MSL2: variants seen among roughly 807,000 people sequenced by gnomAD.
MSL2 encodes the protein E3 ubiquitin-protein ligase MSL2.
Under a neutral mutation model 35.8 loss-of-function variants are expected in MSL2, and 2 were observed. The observed-to-expected ratio is 0.06, with a 90% CI of 0.02 to 0.18. The LOEUF is 0.18. Among genes scored for constraint, MSL2 ranks in the 10% least tolerant of loss-of-function variants. The pLI is 1.00. For synonymous variants in MSL2, 296 were observed against 255.7 expected (o/e 1.16, Z -1.50); for missense variants, 523 against 706.7 (o/e 0.74, Z 2.95).
Position 136,149,444 on chromosome 3 carries a change from G to A in MSL2, c.*1703C>T, listed in dbSNP as rs1939275996. The A allele has an allele frequency of 6.6e-6, 1 of 152,344 alleles. No individual in the cohort carries two copies. Among genetic ancestry groups the A allele is most frequent in the East Asian group, 1.9e-4 (1 of 5,196 alleles). The allele number at this position is 152,344 out of a possible 1,614,324, so 9.4% of individuals were successfully genotyped here. A position where few individuals can be genotyped will look rare whatever the true frequency, so the allele number is the denominator to read the frequency against. On this transcript the variant is annotated 3_prime_UTR_variant, in exon 2 of 2. Coordinates refer to ENST00000309993, the MANE Select transcript of MSL2 (RefSeq NM_018133.4). ...AAGCAAATAAAGACAAGACAACTAA[G>A]AAGCATTTTCCACCATTTACTCTTG...
intron 1 of MSL2, among the ~76,000 whole-genome samples, chr3:136,171,178 A>T (rs1044705000): frequency 1.3e-5 from 2 of 152,220 alleles, no homozygotes; most frequent in Non-Finnish European, 2.9e-5. Flanking sequence ...TTTCAAATCA[A>T]AAGGAAGTGT....
rs1321913069 is a variant in MSL2, at chr3:136,151,637, C to T, written c.1244G>A (p.Gly415Glu). The change falls in exon 2 of 2, where the codon GGA becomes GAA. Residue 415 changes from glycine (G) to glutamate (E), a missense_variant. Physicochemically the swap from Gly to Glu is moderately conservative, Grantham distance 98 (BLOSUM62 -2). This residue lies in a region of MSL2 where 361 missense variants were observed against 414.6 expected (regional missense o/e 0.87). Coordinates refer to ENST00000309993, the MANE Select transcript of MSL2 (RefSeq NM_018133.4). This position sits in a 1 kb window ranked among gnomAD's most constrained non-coding sequence, Gnocchi z 5.2. ...TKSMKKSHEHGSKKSHSKTKP... is the reference protein window; with the variant it reads ...TKSMKKSHEHESKKSHSKTKP... ...GGTTTTAGAGTGAGATTTCTTGGATCCATGTTCATGACTCTTTTTCATGCT... is the reference window on the plus strand; with the variant it reads ...GGTTTTAGAGTGAGATTTCTTGGATTCATGTTCATGACTCTTTTTCATGCT... 1 of 1,613,954 alleles carries T rather than the reference C, an allele frequency of 6.2e-7. No individual in the cohort carries two copies. Among genetic ancestry groups the T allele is most frequent in the Non-Finnish European group, 8.5e-7 (1 of 1,180,040 alleles).
intron 1 of MSL2, among the ~76,000 whole-genome samples, chr3:136,173,468 T>C (rs1391802228): frequency 6.6e-6 from 1 of 152,156 alleles, no homozygotes; most frequent in Admixed American, 6.6e-5. Flanking sequence ...ACTGACACTA[T>C]CATTCATTCA....
At chr3:136,190,779 C>A (rs1191959405) in intron 1 of MSL2, among the ~76,000 whole-genome samples, 1 of 152,174 alleles carries the variant, frequency 6.6e-6, no homozygotes, top group Non-Finnish European at 1.5e-5. Context: ...AACAATTCTA[C>A]TTTCTGATAA....
intron 1 of MSL2, among the ~76,000 whole-genome samples, chr3:136,184,737 TAA>T (rs1221336389): frequency 2.0e-4 from 14 of 68,690 alleles, no homozygotes; most frequent in African/African-American, 7.0e-4. Flanking sequence ...AGATAAAGGT[TAA>T]AAAAAAAAAA....
rs1261518541 is a variant in MSL2, at chr3:136,149,834, T to C, written c.*1313A>G. ...CTAGAGATGGTGAACGTAGTAGAAA[T>C]TGGAAATTTTCCAGCAGTATTTTTC... On this transcript the variant is annotated 3_prime_UTR_variant, in exon 2 of 2. Coordinates refer to ENST00000309993, the MANE Select transcript of MSL2 (RefSeq NM_018133.4). 1 of 152,282 alleles carries C rather than the reference T, an allele frequency of 6.6e-6. No homozygotes were observed. Among genetic ancestry groups the C allele is most frequent in the Admixed American group, 6.5e-5 (1 of 15,278 alleles). 9.4% of individuals were successfully genotyped at this position (152,282 alleles called of 1,614,324 possible). A position where few individuals can be genotyped will look rare whatever the true frequency, so the allele number is the denominator to read the frequency against.
intron 1 of MSL2, among the ~76,000 whole-genome samples, chr3:136,162,969 AT>A (rs542937035): frequency 0.034 from 4,627 of 137,868 alleles, 121 homozygotes; most frequent in African/African-American, 0.078. Flanking sequence ...GAGGACTTGG[AT>A]TTTTTTTTTT....
intron 1 of MSL2, among the ~76,000 whole-genome samples, chr3:136,172,956 G>T (rs969710092): frequency 3.3e-5 from 5 of 152,094 alleles, no homozygotes; most frequent in African/African-American, 4.8e-5. Flanking sequence ...TTGAGGTCAG[G>T]AGTTCAAGAC....
Position 136,163,569 on chromosome 3 carries a change from G to A in MSL2, c.143-10831C>T, listed in dbSNP as rs148327643. Reference sequence around the variant, plus strand: ...TCACCTTGTTATGCCAGGAAGCAGAGAAACTATCAAAATCAAGACTCGGGG... The same window carrying A: ...TCACCTTGTTATGCCAGGAAGCAGAAAAACTATCAAAATCAAGACTCGGGG... On this transcript the variant is annotated intron_variant, in intron 1 of 1. Transcript: ENST00000309993. 7.5e-3 allele frequency among the ~76,000 whole-genome samples: 1,142 copies of A among 152,312 alleles called. 18 individuals carry two copies. Among genetic ancestry groups the A allele is most frequent in the African/African-American group, 0.026 (1,078 of 41,548 alleles).
In MSL2 at chr3:136,194,966, T is replaced by C. The variant is rs202239635; in HGVS notation, c.142+6A>G. 138 of 1,613,348 alleles carry C rather than the reference T, an allele frequency of 8.6e-5. No individual in the cohort carries two copies. In the African/African-American group the frequency reaches 1.5e-3, roughly 18 times the overall value. On this transcript the variant is annotated splice_donor_region_variant and intron_variant, in intron 1 of 1. Coordinates refer to ENST00000309993, the MANE Select transcript of MSL2 (RefSeq NM_018133.4). ...ATTGAAAAGGGAACAATAAAAAGCGTCTCACCGCAAACACAGCACGAAAGG... is the reference window on the plus strand; with the variant it reads ...ATTGAAAAGGGAACAATAAAAAGCGCCTCACCGCAAACACAGCACGAAAGG...
chr3:136,183,096 C>A (rs973988597), intron 1 of MSL2, among the ~76,000 whole-genome samples: 1 of 151,972 alleles, frequency 6.6e-6, no homozygotes, highest in Non-Finnish European at 1.5e-5. Context: ...ACAAAAATAT[C>A]CAGCAACAAA....
chr3:136,166,062 TAAA>T (rs34420183), intron 1 of MSL2, among the ~76,000 whole-genome samples: 1,011 of 80,088 alleles, frequency 0.013, 15 homozygotes, highest in African/African-American at 0.033. Flanking sequence ...TACGTACCAG[TAAA>T]AAAAAAAAAA....
At position 136,160,036 on chromosome 3, in the gene MSL2, C is replaced by CTAAG. The variant is rs945753320; in HGVS notation, c.143-7302_143-7299dup. Among the ~76,000 whole-genome samples, 255 of 151,978 alleles carry CTAAG rather than the reference C, an allele frequency of 1.7e-3. 1 individual carries two copies. Among genetic ancestry groups the CTAAG allele is most frequent in the African/African-American group, 5.1e-3 (213 of 41,452 alleles). On this transcript the variant is annotated intron_variant, in intron 1 of 1. Coordinates refer to ENST00000309993, the MANE Select transcript of MSL2 (RefSeq NM_018133.4). ...CCTGTAATCCCAGCACTTTGGGAGG[C>CTAAG]TAAGGTGGGCAGATCACGTGAGGTC...
chr3:136,157,784 C>T (rs996724671), intron 1 of MSL2, among the ~76,000 whole-genome samples: 3 of 152,070 alleles, frequency 2.0e-5, no homozygotes, highest in East Asian at 1.9e-4. Context: ...CACAAATGAC[C>T]AAAATTCACT....
Position 136,195,856 on chromosome 3 carries a change from C to A in MSL2, c.-743G>T. ...GCCGGGGAGGAAGTGCGCGGGCCGCCGCCGGCGGGCGGGAGGGGGCGGGGG... is the reference window on the plus strand; with the variant it reads ...GCCGGGGAGGAAGTGCGCGGGCCGCAGCCGGCGGGCGGGAGGGGGCGGGGG... On this transcript the variant is annotated 5_prime_UTR_variant, in exon 1 of 2. Coordinates refer to ENST00000309993, the MANE Select transcript of MSL2 (RefSeq NM_018133.4). 1.0e-6 allele frequency: 1 copy of A among 981,766 alleles called. No individual in the cohort carries two copies. Among genetic ancestry groups the A allele is most frequent in the Non-Finnish European group, 1.2e-6 (1 of 827,278 alleles). 60.8% of individuals were successfully genotyped at this position (981,766 alleles called of 1,614,324 possible).
chr3:136,156,647 G>A (rs1433773959), intron 1 of MSL2, among the ~76,000 whole-genome samples: 4 of 152,088 alleles, frequency 2.6e-5, no homozygotes, highest in East Asian at 1.9e-4. Flanking sequence ...GGCGGATCAC[G>A]AGGTCAGGAG....
intron 1 of MSL2, among the ~76,000 whole-genome samples, chr3:136,157,985 T>C (rs905998056): frequency 2.6e-5 from 4 of 151,994 alleles, no homozygotes; most frequent in African/African-American, 4.8e-5. Flanking sequence ...GGCCAGTAAC[T>C]ACTATGAAAG....
intron 1 of MSL2, among the ~76,000 whole-genome samples, chr3:136,181,775 CG>C (rs1447904061): frequency 2.6e-5 from 4 of 151,852 alleles, no homozygotes; most frequent in African/African-American, 9.7e-5. Flanking sequence ...AAAAACTAGC[CG>C]GGCGTGGTGG....
chr3:136,159,517 C>A (rs889569625), intron 1 of MSL2, among the ~76,000 whole-genome samples: 1 of 148,004 alleles, frequency 6.8e-6, no homozygotes, highest in Admixed American at 6.7e-5. Context: ...GCGCCCGCCA[C>A]CACGCCCAGC....
Sources: gnomAD v4.1 joint callset for allele counts (sites outside exome capture counted in the v4.1 genomes callset) on GRCh38, gnomAD v4.1.1 for gene constraint, gnomAD v4.1.1 regional missense constraint, Gnocchi (gnomAD v3.1) non-coding constraint, MANE v1.5 for transcripts, NCBI Gene and HGNC (gene_info 2026-07-23, HGNC 2026-07-21) for gene names.